The following SLC16A5 variants were observed in gnomAD, a reference collection of about 807,000 sequenced individuals.
The protein encoded by SLC16A5 is monocarboxylate transporter 6.
A neutral mutation model predicts 33.2 loss-of-function variants in SLC16A5; 29 were observed. The ratio of observed to expected loss-of-function variants is 0.87; its 90% CI spans 0.65 to 1.19. The LOEUF is 1.19. Ranked by LOEUF, SLC16A5 falls within the 50% of genes most tolerant of loss-of-function variation. The pLI is 0.00. For missense variants in SLC16A5, 606 were observed against 678.2 expected, an observed-to-expected ratio of 0.89 and a Z score of 1.18; for synonymous variants, 248 against 284.1, an observed-to-expected ratio of 0.87 and a Z score of 1.28.
chr17:75,105,797 A>G, intron 6 of SLC16A5, 83 bp from the exon 7 acceptor site: 1 of 1,448,452 alleles, frequency 6.9e-7, no homozygotes, highest in Non-Finnish European at 9.2e-7. Context: ...AGGGGTGCTC[A>G]GGTTCAGGAT....
intron 2 of SLC16A5, among the ~76,000 whole-genome samples, chr17:75,090,729 G>C (rs1020339392): frequency 2.6e-5 from 4 of 152,078 alleles, no homozygotes; most frequent in Non-Finnish European, 5.9e-5. Flanking sequence ...AAAGTGCTGG[G>C]ATTACAGGTG....
At chr17:75,088,390 G>A (rs1481197703) in intron 1 of SLC16A5, among the ~76,000 whole-genome samples, 1 of 152,222 alleles carries the variant, frequency 6.6e-6, no homozygotes, top group Non-Finnish European at 1.5e-5. Context: ...GATGGGCAGG[G>A]CGAGAGTACG....
At chr17:75,107,922 G>GCGAGACA (rs1473806047), downstream of SLC16A5, among the ~76,000 whole-genome samples, 13 of 152,008 alleles carry the variant, frequency 8.6e-5, no homozygotes, top group African/African-American at 3.1e-4. Context: ...GGGTGACAGA[G>GCGAGACA]CGAGACACTG....
chr17:75,100,545 G>A lies in SLC16A5; in HGVS notation c.882G>A (p.Met294Ile), dbSNP rs765673955. The change falls in exon 5 of 7, where the codon ATG becomes ATA. Residue 294 changes from methionine (M) to isoleucine (I), a missense_variant. By Grantham distance (10) the Met-to-Ile change is conservative (BLOSUM62 1). Transcript: ENST00000329783. ...TCCTGAGGCCCCTAGCCGGGCTGATGGCAGGACGGCCGGCCTTTGCTAGCC... is the reference window on the plus strand; with the variant it reads ...TCCTGAGGCCCCTAGCCGGGCTGATAGCAGGACGGCCGGCCTTTGCTAGCC... ...NIFLRPLAGL[M>I]AGRPAFASHR... 6.2e-7 allele frequency: 1 copy of A among 1,614,232 alleles called. No homozygotes were observed. Among genetic ancestry groups the A allele is most frequent in the Non-Finnish European group, 8.5e-7 (1 of 1,180,048 alleles).
intron 3 of SLC16A5, among the ~76,000 whole-genome samples, chr17:75,096,841 CTTTTT>C (rs71361652): frequency 0.026 from 1,722 of 65,262 alleles, 16 homozygotes; most frequent in Non-Finnish European, 0.04. Flanking sequence ...CACTCCATCA[CTTTTT>C]TTTTTTTTTT....
rs372714521 is a variant in SLC16A5 at position 75,100,465 on chromosome 17, G to A, written c.802G>A (p.Val268Met). ...FLVPYAMWHS[V>M]DEQQAALLIS... ...GGTGCCATATGCCATGTGGCACAGC[G>A]TGGACGAGCAGCAGGCAGCCCTCCT... The change falls in exon 5 of 7, where the codon GTG (valine) becomes ATG (methionine). Residue 268 changes from valine to methionine, a missense_variant. Val to Met is a conservative substitution (Grantham distance 21). Coordinates refer to ENST00000329783, the MANE Select transcript of SLC16A5 (RefSeq NM_004695.4). The A allele has an allele frequency of 2.1e-5, 34 of 1,614,118 alleles. No homozygotes were observed. The highest frequency in any genetic ancestry group is 1.3e-4 in the African/African-American group (10 of 74,942).
rs2073858172 is a variant in SLC16A5 at position 75,105,972 on chromosome 17, T to TA, written c.1458dup (p.Trp487MetfsTer17). On this transcript the variant is annotated frameshift_variant, in exon 7 of 7. Coordinates refer to ENST00000329783, the MANE Select transcript of SLC16A5 (RefSeq NM_004695.4). LOFTEE classifies it low-confidence loss of function (END_TRUNC). Reference sequence around the variant, plus strand: ...TCCAGGACCAGCCATGAGTGGCTCTTATGGCCAAAGGCGGTACTGCAGGCC... The same window carrying TA: ...TCCAGGACCAGCCATGAGTGGCTCTTAATGGCCAAAGGCGGTACTGCAGGCC... The TA allele has an allele frequency of 1.9e-6, 3 of 1,611,386 alleles. No homozygotes were observed. The highest frequency in any genetic ancestry group is 2.5e-6 in the Non-Finnish European group (3 of 1,178,368).
chr17:75,093,838 G>A lies in SLC16A5; in HGVS notation c.199+3G>A, dbSNP rs2073678965. On this transcript the variant is annotated splice_donor_region_variant and intron_variant, in intron 3 of 6. Transcript: ENST00000329783. ...CACGGCTGTGCTCCACATGGCAGGT[G>A]AGCGGCCTAGGGAGGGGCCGATGAG... 2 of 1,613,526 alleles carry A rather than the reference G, an allele frequency of 1.2e-6. No individual in the cohort carries two copies. Among genetic ancestry groups the A allele is most frequent in the East Asian group, 2.2e-5 (1 of 44,884 alleles).
At position 75,093,185 on chromosome 17, in the gene SLC16A5, G is replaced by A. The variant is rs896176172; in HGVS notation, c.-48-404G>A. Reference sequence around the variant, plus strand: ...GGTGTATCCTTGGGTGCATTTGGGGGGCGTTGGGACTACACTGACCCCAGA... The same window carrying A: ...GGTGTATCCTTGGGTGCATTTGGGGAGCGTTGGGACTACACTGACCCCAGA... On this transcript the variant is annotated intron_variant, in intron 2 of 6. Coordinates refer to ENST00000329783, the MANE Select transcript of SLC16A5 (RefSeq NM_004695.4). 1.9e-5 allele frequency: 10 copies of A among 539,258 alleles called. No individual in the cohort carries two copies. The Admixed American group carries it at 2.9e-4, about 15-fold the overall frequency. 33.4% of individuals were successfully genotyped at this position (539,258 alleles called of 1,614,324 possible). A position where few individuals can be genotyped will look rare whatever the true frequency, so the allele number is the denominator to read the frequency against.
In SLC16A5 at chr17:75,100,449, T is replaced by G; in HGVS notation, c.786T>G (p.Tyr262Ter). 1 of 1,614,256 alleles carries G rather than the reference T, an allele frequency of 6.2e-7. No individual in the cohort carries two copies. The highest frequency in any genetic ancestry group is 8.5e-7 in the Non-Finnish European group (1 of 1,180,048). The change falls in exon 5 of 7, where the codon TAT becomes TAG. Residue 262 changes from tyrosine to a stop codon, truncating the protein, a stop_gained. Transcript: ENST00000329783. LOFTEE classifies it high-confidence loss of function. ...TGCCACAAGTCTTCCTGGTGCCATA[T>G]GCCATGTGGCACAGCGTGGACGAGC... is the stretch of plus-strand genomic sequence containing the variant. ...FPLPQVFLVP[Y>*]AMWHSVDEQQ... is the part of the protein sequence containing the mutation.
At chr17:75,104,901 C>T in intron 6 of SLC16A5, 1 of 985,478 alleles carries the variant, frequency 1.0e-6, no homozygotes, top group Non-Finnish European at 1.2e-6. Flanking sequence ...CTGTGTGTTG[C>T]TGCTCCTACA....
intron 6 of SLC16A5, chr17:75,105,313 T>C: frequency 1.6e-5 from 16 of 985,394 alleles, no homozygotes; most frequent in Non-Finnish European, 1.8e-5. Context: ...GCGGGGAGGA[T>C]TAGTGCCAGG....
At chr17:75,105,835 G>C in intron 6 of SLC16A5, 45 bp from the exon 7 acceptor site, 2 of 1,512,986 alleles carry the variant, frequency 1.3e-6, no homozygotes, top group Non-Finnish European at 1.8e-6. Flanking sequence ...GCTCAACCAG[G>C]CTCCGCAAGA....
chr17:75,108,579 A>C (rs1043538398), downstream of SLC16A5, among the ~76,000 whole-genome samples: 48 of 149,726 alleles, frequency 3.2e-4, no homozygotes, highest in Admixed American at 2.6e-3. Flanking sequence ...TGTCAGCCTA[A>C]ATAACAGAGA....
intron 2 of SLC16A5, among the ~76,000 whole-genome samples, chr17:75,092,822 CGTGTGTGTGTGTGT>C (rs10541835): frequency 1.5e-4 from 20 of 136,092 alleles, no homozygotes; most frequent in East Asian, 6.5e-4. Context: ...TGTGCCACTG[CGTGTGTGTGTGTGT>C]GTGTGTGTGT....
chr17:75,098,637 G>A (rs1405649776), intron 4 of SLC16A5, among the ~76,000 whole-genome samples: 1 of 152,146 alleles, frequency 6.6e-6, no homozygotes, highest in Non-Finnish European at 1.5e-5. Context: ...TTGTTTTAAG[G>A]GGACTGGAGG....
chr17:75,092,822 CGTGTGTGT>C (rs10541835), intron 2 of SLC16A5, among the ~76,000 whole-genome samples: 7,947 of 136,044 alleles, frequency 0.058, 273 homozygotes, highest in African/African-American at 0.11. Flanking sequence ...TGTGCCACTG[CGTGTGTGT>C]GTGTGTGTGT....
At chr17:75,106,720 C>T (rs2073867523), downstream of SLC16A5, among the ~76,000 whole-genome samples, 1 of 151,434 alleles carries the variant, frequency 6.6e-6, no homozygotes, top group African/African-American at 2.4e-5. Flanking sequence ...CATGGCAAAA[C>T]CCCAGCTCTA....
intron 3 of SLC16A5, among the ~76,000 whole-genome samples, chr17:75,097,669 C>G (rs1365957002): frequency 6.6e-6 from 1 of 152,216 alleles, no homozygotes; most frequent in East Asian, 1.9e-4. Flanking sequence ...CTCCTCCCAC[C>G]AACAGACCCC....
Sources: allele counts gnomAD v4.1 joint callset (sites outside exome capture counted in the v4.1 genomes callset), GRCh38; gene constraint gnomAD v4.1.1; transcripts MANE v1.5; gene names NCBI Gene and HGNC (gene_info 2026-07-23, HGNC 2026-07-21).